GSE1: variants seen among roughly 807,000 people sequenced by gnomAD.
GSE1 encodes genetic suppressor element 1.
In GSE1, 32 loss-of-function variants were observed where a neutral mutation model predicts 112.6. The ratio of observed to expected loss-of-function variants is 0.28; its 90% CI spans 0.21 to 0.38. GSE1 has a LOEUF of 0.38. Among genes scored for constraint, GSE1 ranks in the 10% least tolerant of loss-of-function variants. The pLI is 1.00. For synonymous variants in GSE1, 1,115 were observed against 735.6 expected (o/e 1.52, Z -8.35); for missense variants, 2,348 against 1,699.2 (o/e 1.38, Z -6.71).
chr16:85,642,801 G>A (rs887548484), intron 2 of GSE1, among the ~76,000 whole-genome samples: 6 of 152,150 alleles, frequency 3.9e-5, no homozygotes, highest in South Asian at 2.1e-4. Context: ...TGCCTGAGCC[G>A]AGCTCGGCTG....
chr16:85,361,017 G>A (rs2047061382), intron 2 of GSE1, among the ~76,000 whole-genome samples: 2 of 151,820 alleles, frequency 1.3e-5, no homozygotes, highest in Admixed American at 1.3e-4. Context: ...TCGCATAGGT[G>A]GATACAAGCA....
intron 2 of GSE1, among the ~76,000 whole-genome samples, chr16:85,524,167 G>C (rs552505589): frequency 6.6e-5 from 10 of 152,280 alleles, no homozygotes; most frequent in Admixed American, 5.9e-4. Flanking sequence ...TGATTCCTGT[G>C]GCTGCAGGTG....
chr16:85,635,753 A>G (rs2049943076), intron 2 of GSE1, among the ~76,000 whole-genome samples: 1 of 152,186 alleles, frequency 6.6e-6, no homozygotes, highest in Non-Finnish European at 1.5e-5. Context: ...TTATCCTTGC[A>G]TCCTGCTTTC....
chr16:85,215,360 C>T (rs1265848286), intron 1 of GSE1, among the ~76,000 whole-genome samples: 1 of 152,126 alleles, frequency 6.6e-6, no homozygotes, highest in South Asian at 2.1e-4. Flanking sequence ...TATGAGTCCA[C>T]ACGGGCAGGC....
At chr16:85,516,490 C>T (rs2051943580) in intron 2 of GSE1, among the ~76,000 whole-genome samples, 1 of 143,514 alleles carries the variant, frequency 7.0e-6, no homozygotes, top group South Asian at 2.2e-4. Flanking sequence ...ATTAGCCAGG[C>T]TTGGAGGATC....
chr16:85,288,709 A>C (rs1240883998), intron 1 of GSE1, among the ~76,000 whole-genome samples: 1 of 152,204 alleles, frequency 6.6e-6, no homozygotes, highest in Admixed American at 6.5e-5. Flanking sequence ...CATGGGGTCC[A>C]GGCAGGCTTC....
chr16:85,474,412 C>T (rs370984781), intron 2 of GSE1, among the ~76,000 whole-genome samples: 15 of 152,184 alleles, frequency 9.9e-5, no homozygotes, highest in East Asian at 5.8e-4. Context: ...TGGAGGTGCA[C>T]GGAGGGAGGC....
At chr16:85,271,666 T>C (rs565906510) in intron 1 of GSE1, among the ~76,000 whole-genome samples, 2 of 152,280 alleles carry the variant, frequency 1.3e-5, no homozygotes, top group South Asian at 2.1e-4. Flanking sequence ...AAGCTGGACA[T>C]AGGCTCAGAG....
chr16:85,554,541 A>C (rs1350079211), upstream of GSE1, among the ~76,000 whole-genome samples: 1 of 151,942 alleles, frequency 6.6e-6, no homozygotes, highest in Non-Finnish European at 1.5e-5. Flanking sequence ...ATTTGATTAC[A>C]CTTGCAACAG....
chr16:85,451,195 C>T (rs1210484023), intron 2 of GSE1, among the ~76,000 whole-genome samples: 2 of 152,080 alleles, frequency 1.3e-5, no homozygotes, highest in Non-Finnish European at 2.9e-5. Flanking sequence ...AGCAAAACCA[C>T]CACCATAATT....
intron 1 of GSE1, among the ~76,000 whole-genome samples, chr16:85,324,004 A>G (rs2046172651): frequency 6.6e-6 from 1 of 152,188 alleles, no homozygotes; most frequent in South Asian, 2.1e-4. Flanking sequence ...AGCTTAACCA[A>G]GGTCTCGCTG....
chr16:85,391,076 TC>T (rs1383430993), intron 2 of GSE1, among the ~76,000 whole-genome samples: 1 of 148,990 alleles, frequency 6.7e-6, no homozygotes, highest in Non-Finnish European at 1.5e-5. Context: ...TGCTGTCAGC[TC>T]CCAGGCACCG....
upstream of GSE1, among the ~76,000 whole-genome samples, chr16:85,553,121 C>G (rs888070511): frequency 1.3e-5 from 2 of 151,876 alleles, no homozygotes; most frequent in Middle Eastern, 3.2e-3. Flanking sequence ...GCGGTCTAAC[C>G]CGCGCTCTGG....
chr16:85,376,904 GCACACCC>G (rs1705487255), intron 2 of GSE1, among the ~76,000 whole-genome samples: 1 of 152,234 alleles, frequency 6.6e-6, no homozygotes, highest in Non-Finnish European at 1.5e-5. Flanking sequence ...ACCGCACACC[GCACACCC>G]GGCCCCGCGT....
chr16:85,479,883 C>T (rs1046162215), intron 2 of GSE1, among the ~76,000 whole-genome samples: 1 of 152,054 alleles, frequency 6.6e-6, no homozygotes, highest in Non-Finnish European at 1.5e-5. Flanking sequence ...GGCCCAGTGG[C>T]TTATAGTTCT....
chr16:85,473,428 A>C (rs2050356287), intron 2 of GSE1, among the ~76,000 whole-genome samples: 1 of 152,120 alleles, frequency 6.6e-6, no homozygotes, highest in South Asian at 2.1e-4. Flanking sequence ...GCTTAAAACC[A>C]CAGATGTTTG....
chr16:85,221,528 G>A (rs2075393199), intron 1 of GSE1, among the ~76,000 whole-genome samples: 1 of 152,096 alleles, frequency 6.6e-6, no homozygotes. Flanking sequence ...CTACAGGGAT[G>A]ACCTGGTCCC....
intron 2 of GSE1, among the ~76,000 whole-genome samples, chr16:85,455,218 A>G (rs1351607533): frequency 6.6e-6 from 1 of 152,204 alleles, no homozygotes; most frequent in Non-Finnish European, 1.5e-5. Context: ...GAGAGGAAAC[A>G]GAGACTCTGA....
At chr16:85,198,200 A>C (rs1023909991) in intron 1 of GSE1, among the ~76,000 whole-genome samples, 11 of 152,240 alleles carry the variant, frequency 7.2e-5, no homozygotes, top group Admixed American at 6.5e-4. Flanking sequence ...GAACCTGAGG[A>C]CCCACAGGGT....
Sources: gnomAD v4.1 joint callset for allele counts (sites outside exome capture counted in the v4.1 genomes callset) on GRCh38, gnomAD v4.1.1 for gene constraint, MANE v1.5 for transcripts, NCBI Gene and HGNC (gene_info 2026-07-23, HGNC 2026-07-21) for gene names.